The following RLN1 variants were observed in gnomAD, a reference collection of about 807,000 sequenced individuals.
RLN1 encodes prorelaxin H1.
RLN1 carries 4 observed loss-of-function variants against 7.2 expected under a neutral mutation model. The observed-to-expected ratio is 0.56, with a 90% CI of 0.28 to 1.28. The LOEUF is 1.28. RLN1 is among the 50% of genes most tolerant of loss of function. RLN1 has a pLI of 0.11. For synonymous variants in RLN1, 105 were observed against 86.0 expected (o/e 1.22, Z -1.22); for missense variants, 293 against 221.1 (o/e 1.32, Z -2.06).
rs376129010 is a variant in RLN1, at chr9:5,339,421, G to A, written c.211+115C>T. ...GCCACGGCTGAGTAGGGGCTGAGCG[G>A]TGGCAGCCAATGAGATCTCGAGTCG... is the stretch of plus-strand genomic sequence containing the variant. On this transcript the variant is annotated intron_variant, in intron 1 of 1. Coordinates refer to ENST00000223862, the MANE Select transcript of RLN1 (RefSeq NM_006911.4). 6,077 of 670,054 alleles carry A rather than the reference G, an allele frequency of 9.1e-3. 460 individuals carry two copies. The African/African-American group carries it at 0.13, about 14-fold the overall frequency. 41.5% of individuals were successfully genotyped at this position (670,054 alleles called of 1,614,324 possible).
In RLN1 at chr9:5,335,290, T is replaced by G; in HGVS notation, c.519A>C (p.Leu173=). 1.2e-6 allele frequency: 2 copies of G among 1,601,074 alleles called. No homozygotes were observed. The highest frequency in any genetic ancestry group is 1.7e-6 in the Non-Finnish European group (2 of 1,176,484). The change falls in exon 2 of 2, where the codon CTA becomes CTC. Residue 173 remains leucine (L), a synonymous_variant. Coordinates refer to ENST00000223862, the MANE Select transcript of RLN1 (RefSeq NM_006911.4). ...CAAGAGACCTTTTGGTACAACCAAT[T>G]AGGCAACATTTCTCAAACAGTGCCA... The part of the protein sequence containing the change: ...PYVALFEKCC[L]IGCTKRSLAK...
chr9:5,334,962 T>C lies in RLN1; in HGVS notation c.*289A>G, dbSNP rs138614296. The C allele has an allele frequency of 3.3e-5, 9 of 272,110 alleles. No individual in the cohort carries two copies. The highest frequency in any genetic ancestry group is 4.8e-5 in the Non-Finnish European group (7 of 147,106). The allele number at this position is 272,110 out of a possible 1,614,324, so 16.9% of individuals were successfully genotyped here. ...TGTTAGGTACTGTATTGTTATTATGTATGGTTAAAGTGGCAAAGGTTTTAT... is the reference window on the plus strand; with the variant it reads ...TGTTAGGTACTGTATTGTTATTATGCATGGTTAAAGTGGCAAAGGTTTTAT... On this transcript the variant is annotated 3_prime_UTR_variant, in exon 2 of 2. Transcript: ENST00000223862.
upstream of RLN1, chr9:5,339,957 T>C (rs544974609): frequency 1.1e-4 from 67 of 597,938 alleles, no homozygotes; most frequent in East Asian, 2.8e-4. Flanking sequence ...CAGAATTTTC[T>C]CCTTCAGCTC....
At chr9:5,336,182 A>T (rs1816888257) in intron 1 of RLN1, among the ~76,000 whole-genome samples, 1 of 152,100 alleles carries the variant, frequency 6.6e-6, no homozygotes, top group South Asian at 2.1e-4. Flanking sequence ...TCTATTTAAC[A>T]ATTTGTCTTC....
chr9:5,339,364 T>C (rs1816943166), intron 1 of RLN1, 172 bp downstream of exon 1: 3 of 527,818 alleles, frequency 5.7e-6, no homozygotes, highest in Non-Finnish European at 9.6e-6. Flanking sequence ...TAAAATCACC[T>C]GGCAAAGGAA....
chr9:5,337,710 C>G (rs1302002946), intron 1 of RLN1, among the ~76,000 whole-genome samples: 1 of 151,928 alleles, frequency 6.6e-6, no homozygotes, highest in Non-Finnish European at 1.5e-5. Context: ...ATCTTAATCC[C>G]ACGTGCAGGC....
chr9:5,340,746 A>G (rs1816974825), upstream of RLN1, among the ~76,000 whole-genome samples: 1 of 152,198 alleles, frequency 6.6e-6, no homozygotes, highest in Admixed American at 6.5e-5. Flanking sequence ...ACAGTTCTAG[A>G]TAATATGGTT....
chr9:5,340,256 A>ATCC (rs1816965110), upstream of RLN1, among the ~76,000 whole-genome samples: 1 of 152,232 alleles, frequency 6.6e-6, no homozygotes, highest in African/African-American at 2.4e-5. Context: ...GGGCATATCA[A>ATCC]TCCATAAAAA....
intron 1 of RLN1, 33 bp from the exon 2 acceptor site, chr9:5,335,630 G>T: frequency 2.2e-6 from 3 of 1,389,840 alleles, no homozygotes; most frequent in South Asian, 1.3e-5. Context: ...GTATGTGAAG[G>T]CGTATTCACG....
upstream of RLN1, chr9:5,339,884 A>G: frequency 1.2e-6 from 1 of 815,222 alleles, no homozygotes; most frequent in Admixed American, 2.5e-5. Flanking sequence ...AGTCTTTAGT[A>G]TGGGCTATCA....
rs1816858820 is a variant in RLN1 at position 5,335,165 on chromosome 9, A to G, written c.*86T>C. ...AATAAAGATTTCTTATATTCTAATA[A>G]TTAGTGGGACCTGACAGAAGCATCA... On this transcript the variant is annotated 3_prime_UTR_variant, in exon 2 of 2. Coordinates refer to ENST00000223862, the MANE Select transcript of RLN1 (RefSeq NM_006911.4). 9.8e-6 allele frequency: 7 copies of G among 715,336 alleles called. No homozygotes were observed. The highest frequency in any genetic ancestry group is 1.6e-5 in the Non-Finnish European group (7 of 444,666). The allele number at this position is 715,336 out of a possible 1,614,324, so 44.3% of individuals were successfully genotyped here.
intron 1 of RLN1, among the ~76,000 whole-genome samples, chr9:5,337,460 T>C (rs1381240121): frequency 6.6e-6 from 1 of 152,088 alleles, no homozygotes; most frequent in Non-Finnish European, 1.5e-5. Context: ...CTTAATTCAC[T>C]GTATTTTGGA....
At chr9:5,336,545 T>G (rs1005376529) in intron 1 of RLN1, among the ~76,000 whole-genome samples, 8 of 152,116 alleles carry the variant, frequency 5.3e-5, no homozygotes, top group Non-Finnish European at 1.0e-4. Context: ...TCTCTGGCAC[T>G]GCCAGTTAAA....
chr9:5,334,936 T>G lies in RLN1; in HGVS notation c.*315A>C. ...CATTTTGGTCCACCTCATGTAACTG[T>G]TGTTAGGTACTGTATTGTTATTATG... is the stretch of plus-strand genomic sequence containing the variant. On this transcript the variant is annotated 3_prime_UTR_variant, in exon 2 of 2. Coordinates refer to ENST00000223862, the MANE Select transcript of RLN1 (RefSeq NM_006911.4). 4.8e-6 allele frequency: 1 copy of G among 207,278 alleles called. No homozygotes were observed. The allele number at this position is 207,278 out of a possible 1,614,324, so 12.8% of individuals were successfully genotyped here.
Position 5,335,502 on chromosome 9 carries a change from A to G in RLN1, c.307T>C (p.Ser103Pro). 2 of 1,613,276 alleles carry G rather than the reference A, an allele frequency of 1.2e-6. No individual in the cohort carries two copies. Among genetic ancestry groups the G allele is most frequent in the Non-Finnish European group, 1.7e-6 (2 of 1,179,388 alleles). Residue 103 changes from serine to proline, a missense_variant, in exon 2 of 2, where the codon TCT becomes CCT. Physicochemically the swap from Ser to Pro is moderately conservative, Grantham distance 74. Coordinates refer to ENST00000223862, the MANE Select transcript of RLN1 (RefSeq NM_006911.4). ...NLPPELKAAL[S>P]ERQPSLPELQ... ...TCTGGTAATGATGGTTGCCTCTCAG[A>G]TAGGGCTGCCTTCAGCTCCGGTGGC...
Position 5,335,160 on chromosome 9 carries a change from TA to T in RLN1, c.*90del. On this transcript the variant is annotated 3_prime_UTR_variant, in exon 2 of 2. Coordinates refer to ENST00000223862, the MANE Select transcript of RLN1 (RefSeq NM_006911.4). ...ACATTAATAAAGATTTCTTATATTC[TA>T]ATAATTAGTGGGACCTGACAGAAGC... The T allele has an allele frequency of 1.5e-6, 1 of 688,004 alleles. No individual in the cohort carries two copies. The highest frequency in any genetic ancestry group is 2.4e-6 in the Non-Finnish European group (1 of 423,772). The allele number at this position is 688,004 out of a possible 1,614,324, so 42.6% of individuals were successfully genotyped here.
At chr9:5,336,016 G>A (rs1191936349) in intron 1 of RLN1, among the ~76,000 whole-genome samples, 6 of 151,590 alleles carry the variant, frequency 4.0e-5, no homozygotes, top group African/African-American at 7.3e-5. Context: ...CTGATATTAC[G>A]AGTTGTAGTA....
chr9:5,336,499 T>C (rs1275555115), intron 1 of RLN1, among the ~76,000 whole-genome samples: 1 of 152,032 alleles, frequency 6.6e-6, no homozygotes, highest in Non-Finnish European at 1.5e-5. Flanking sequence ...TTTGTACCCA[T>C]TCAGCTCCGT....
In RLN1 at chr9:5,335,668, T is replaced by C; in HGVS notation, c.212-71A>G. Reference sequence around the variant, plus strand: ...AAAGAGCATTCAGAAAAACTGTGAATGTTTGCATACACAAAGAAAAGAAAG... The same window carrying C: ...AAAGAGCATTCAGAAAAACTGTGAACGTTTGCATACACAAAGAAAAGAAAG... On this transcript the variant is annotated intron_variant, in intron 1 of 1. Coordinates refer to ENST00000223862, the MANE Select transcript of RLN1 (RefSeq NM_006911.4). 3.3e-6 allele frequency: 3 copies of C among 911,836 alleles called. No homozygotes were observed. In the South Asian group the frequency reaches 5.0e-5, roughly 15 times the overall value. The allele number at this position is 911,836 out of a possible 1,614,324, so 56.5% of individuals were successfully genotyped here.
Sources: allele counts gnomAD v4.1 joint callset (sites outside exome capture counted in the v4.1 genomes callset), GRCh38; gene constraint gnomAD v4.1.1; transcripts MANE v1.5; gene names NCBI Gene and HGNC (gene_info 2026-07-23, HGNC 2026-07-21).